CENPP: variants seen among roughly 807,000 people sequenced by gnomAD.
The protein encoded by CENPP is centromere protein P.
A neutral mutation model predicts 35.6 loss-of-function variants in CENPP; 24 were observed. The observed-to-expected ratio is 0.67, with a 90% CI of 0.49 to 0.95. The LOEUF (loss-of-function observed/expected upper bound fraction) is 0.95, where lower values mean the gene tolerates loss of function less well. CENPP is among the 40% of genes least tolerant of loss of function. CENPP has a pLI of 0.00. For synonymous variants in CENPP, 120 were observed against 125.5 expected, an observed-to-expected ratio of 0.96 and a Z score of 0.29; for missense variants, 332 against 345.3, an observed-to-expected ratio of 0.96 and a Z score of 0.31.
intron 5 of CENPP, among the ~76,000 whole-genome samples, chr9:92,551,953 G>GAATGAT (rs1849606119): frequency 1.8e-5 from 2 of 108,136 alleles, no homozygotes. Context: ...ATATATATAT[G>GAATGAT]ATATATATAT....
At chr9:92,451,799 G>C (rs866399804) in intron 5 of CENPP, among the ~76,000 whole-genome samples, 2 of 151,064 alleles carry the variant, frequency 1.3e-5, no homozygotes, top group African/African-American at 4.9e-5. Flanking sequence ...AGTTCTCCTT[G>C]AAGAGGTCCT....
At chr9:92,608,606 A>G (rs960769586) in intron 5 of CENPP, among the ~76,000 whole-genome samples, 11 of 152,178 alleles carry the variant, frequency 7.2e-5, no homozygotes, top group Admixed American at 4.6e-4. Context: ...CCACCTGTAC[A>G]TGTGTGCCAA....
intron 5 of CENPP, chr9:92,393,298 C>A: frequency 1.5e-6 from 2 of 1,378,840 alleles, no homozygotes; most frequent in Non-Finnish European, 9.9e-7. Context: ...AAATATTTCT[C>A]CTCTAGTAGT....
rs560281911 is a variant in CENPP at position 92,377,708 on chromosome 9, T to C, written c.468-2055T>C. On this transcript the variant is annotated intron_variant, in intron 4 of 7. Transcript: ENST00000375587. ...TTCCTATTTTGCCAAAATTTTTTTGTTCTTATTGTTGAATTTCTAATTCAA... is the reference window on the plus strand; with the variant it reads ...TTCCTATTTTGCCAAAATTTTTTTGCTCTTATTGTTGAATTTCTAATTCAA... Among the ~76,000 whole-genome samples, 3 of 152,316 alleles carry C rather than the reference T, an allele frequency of 2.0e-5. No homozygotes were observed. In the South Asian group the frequency reaches 6.2e-4, roughly 32 times the overall value.
intron 5 of CENPP, among the ~76,000 whole-genome samples, chr9:92,571,588 T>C (rs1850140551): frequency 6.6e-6 from 1 of 152,228 alleles, no homozygotes; most frequent in Non-Finnish European, 1.5e-5. Flanking sequence ...TGTAGATGTC[T>C]TTTAGGTCTG....
At chr9:92,414,241 A>T (rs1187543649) in intron 5 of CENPP, 1 of 182,062 alleles carries the variant, frequency 5.5e-6, no homozygotes, top group Non-Finnish European at 1.2e-5. Flanking sequence ...TGATAAGCAT[A>T]AAGTGTTTAG....
chr9:92,435,941 G>A (rs1404738175), intron 5 of CENPP, among the ~76,000 whole-genome samples: 4 of 152,088 alleles, frequency 2.6e-5, no homozygotes, highest in Non-Finnish European at 2.9e-5. Flanking sequence ...ATAATTGCTG[G>A]GTCGTATGGT....
At chr9:92,350,834 C>T (rs879670466) in intron 4 of CENPP, among the ~76,000 whole-genome samples, 8 of 152,122 alleles carry the variant, frequency 5.3e-5, no homozygotes, top group Non-Finnish European at 1.0e-4. Flanking sequence ...AGTGAATCTA[C>T]TTGGTTTTTT....
intron 5 of CENPP, chr9:92,464,631 A>C (rs1845237192): frequency 1.9e-6 from 1 of 521,048 alleles, no homozygotes; most frequent in African/African-American, 1.9e-5. Context: ...GGTACTGCAC[A>C]GAATGACAGG....
At chr9:92,511,950 A>G (rs773575499) in intron 5 of CENPP, 219 of 1,314,662 alleles carry the variant, frequency 1.7e-4, no homozygotes, top group Non-Finnish European at 2.3e-4. Flanking sequence ...CCCCATCTCC[A>G]ACCAATGCAA....
In CENPP at chr9:92,613,271, G is replaced by A. The variant is rs927757755; in HGVS notation, c.*122G>A. ...ACCCTGAAGACGTGCTGTCTATGCA[G>A]TTATGGCACATTATATGGAAACTCT... On this transcript the variant is annotated 3_prime_UTR_variant, in exon 8 of 8. Coordinates refer to ENST00000375587, the MANE Select transcript of CENPP (RefSeq NM_001012267.3). The A allele has an allele frequency of 7.8e-5, 84 of 1,078,514 alleles. No homozygotes were observed. Among genetic ancestry groups the A allele is most frequent in the Non-Finnish European group, 1.1e-4 (81 of 733,616 alleles). The allele number at this position is 1,078,514 out of a possible 1,614,324, so 66.8% of individuals were successfully genotyped here.
chr9:92,568,771 G>T (rs1850060522), intron 5 of CENPP, among the ~76,000 whole-genome samples: 1 of 152,092 alleles, frequency 6.6e-6, no homozygotes, highest in Admixed American at 6.6e-5. Context: ...TTTAATGATT[G>T]CCATTCTAAC....
chr9:92,507,668 C>T (rs1186602752), intron 5 of CENPP, among the ~76,000 whole-genome samples: 1 of 152,198 alleles, frequency 6.6e-6, no homozygotes, highest in Non-Finnish European at 1.5e-5. Flanking sequence ...CATGGTCATC[C>T]ACTAGAGCAG....
At chr9:92,572,533 A>G (rs1029259406) in intron 5 of CENPP, among the ~76,000 whole-genome samples, 1 of 152,042 alleles carries the variant, frequency 6.6e-6, no homozygotes, top group African/African-American at 2.4e-5. Flanking sequence ...TTTTTCCTTC[A>G]TTTCAGCTTT....
At chr9:92,473,471 A>T (rs970318908) in intron 5 of CENPP, among the ~76,000 whole-genome samples, 6 of 152,140 alleles carry the variant, frequency 3.9e-5, no homozygotes, top group Non-Finnish European at 7.4e-5. Flanking sequence ...CTTGTCTGAG[A>T]TGCAGTTTAG....
At chr9:92,442,806 G>A (rs925934608) in intron 5 of CENPP, among the ~76,000 whole-genome samples, 6 of 150,952 alleles carry the variant, frequency 4.0e-5, no homozygotes, top group Non-Finnish European at 8.8e-5. Context: ...CCGAGATCAC[G>A]CCACTGCATT....
At chr9:92,329,829 G>A (rs758145280) in intron 1 of CENPP, among the ~76,000 whole-genome samples, 4 of 152,076 alleles carry the variant, frequency 2.6e-5, no homozygotes, top group African/African-American at 7.2e-5. Context: ...GGAGTGAGTC[G>A]CTGTGCCCAA....
In CENPP at chr9:92,619,489, G is replaced by A; in HGVS notation, c.*6340G>A. On this transcript the variant is annotated 3_prime_UTR_variant, in exon 8 of 8. Coordinates refer to ENST00000375587, the MANE Select transcript of CENPP (RefSeq NM_001012267.3). ...TGCCTTGCAGTGGGGGCCTCACCTG[G>A]CATCCTGCAGACAGGGAGACAGTGC... 1 of 1,585,800 alleles carries A rather than the reference G, an allele frequency of 6.3e-7. No individual in the cohort carries two copies. The highest frequency in any genetic ancestry group is 1.8e-5 in the Admixed American group (1 of 55,014).
intron 4 of CENPP, among the ~76,000 whole-genome samples, chr9:92,363,836 G>GT (rs569399961): frequency 1.5e-3 from 216 of 147,302 alleles, no homozygotes; most frequent in South Asian, 4.7e-3. Flanking sequence ...ATCCTATTGG[G>GT]TTTTTTTTTT....
Sources: allele counts gnomAD v4.1 joint callset (sites outside exome capture counted in the v4.1 genomes callset), GRCh38; gene constraint gnomAD v4.1.1; transcripts MANE v1.5; gene names NCBI Gene and HGNC (gene_info 2026-07-23, HGNC 2026-07-21).